The following CSPP1 variants were observed in gnomAD, a reference collection of about 807,000 sequenced individuals.
CSPP1 encodes the protein centrosome and spindle pole-associated protein 1.
Under a neutral mutation model 164.4 loss-of-function variants are expected in CSPP1, and 126 were observed. That is an observed-to-expected ratio of 0.77 (90% CI 0.66 to 0.89). CSPP1 has a LOEUF of 0.89. Among genes scored for constraint, CSPP1 ranks in the 40% least tolerant of loss-of-function variants. The pLI is 0.00. For missense variants in CSPP1, 1,395 were observed against 1,449.8 expected (o/e 0.96, Z 0.61); for synonymous variants, 472 against 476.7 (o/e 0.99, Z 0.13).
chr8:67,075,961 C>T (rs72654939), intron 2 of CSPP1, among the ~76,000 whole-genome samples: 7,739 of 152,186 alleles, frequency 0.051, 260 homozygotes, highest in Non-Finnish European at 0.073. Flanking sequence ...GCTTTAAAGA[C>T]AGTTTTGTTA....
intron 7 of CSPP1, among the ~76,000 whole-genome samples, chr8:67,102,332 C>G (rs1329113083): frequency 3.3e-5 from 5 of 152,146 alleles, no homozygotes; most frequent in Admixed American, 3.3e-4. Context: ...GTGGCTCATG[C>G]TTGTAATCCC....
chr8:67,125,304 A>G (rs1478099295), intron 15 of CSPP1, among the ~76,000 whole-genome samples: 3 of 152,088 alleles, frequency 2.0e-5, no homozygotes, highest in Non-Finnish European at 4.4e-5. Flanking sequence ...CCTAGCCTTT[A>G]TGGTTTCTGA....
At chr8:67,119,026 G>A (rs1453953352) in intron 15 of CSPP1, among the ~76,000 whole-genome samples, 1 of 151,888 alleles carries the variant, frequency 6.6e-6, no homozygotes, top group Non-Finnish European at 1.5e-5. Flanking sequence ...AATAATAATG[G>A]TGTACCTCCT....
intron 24 of CSPP1, among the ~76,000 whole-genome samples, chr8:67,166,344 A>G (rs777300039): frequency 3.3e-5 from 5 of 152,328 alleles, no homozygotes; most frequent in Non-Finnish European, 5.9e-5. Flanking sequence ...ATATAAACAT[A>G]TCTATAATTG....
chr8:67,160,464 C>CAA (rs1206237868), intron 21 of CSPP1, among the ~76,000 whole-genome samples: 3 of 77,754 alleles, frequency 3.9e-5, no homozygotes, highest in Admixed American at 1.5e-4. Flanking sequence ...GACTCCATCT[C>CAA]AAAAAAAAAA....
At chr8:67,169,284 A>G (rs1023589697) in intron 24 of CSPP1, among the ~76,000 whole-genome samples, 1 of 152,182 alleles carries the variant, frequency 6.6e-6, no homozygotes, top group Non-Finnish European at 1.5e-5. Flanking sequence ...AAGCCCTGGC[A>G]GAAAACACCC....
At chr8:67,157,282 T>C (rs1435496429) in intron 19 of CSPP1, among the ~76,000 whole-genome samples, 4 of 152,028 alleles carry the variant, frequency 2.6e-5, no homozygotes, top group African/African-American at 9.7e-5. Context: ...TCATAGGATG[T>C]GTTAGAAGAT....
At chr8:67,068,859 T>C (rs965451475) in intron 1 of CSPP1, among the ~76,000 whole-genome samples, 3 of 152,188 alleles carry the variant, frequency 2.0e-5, no homozygotes, top group African/African-American at 7.2e-5. Flanking sequence ...AGACAAAACG[T>C]AAATATTGTC....
chr8:67,084,015 G>A (rs1266762589), intron 3 of CSPP1: 2 of 152,076 alleles, frequency 1.3e-5, no homozygotes, highest in Non-Finnish European at 2.9e-5. Context: ...TTATAAAATT[G>A]AATAGCGCAT....
chr8:67,127,670 A>G (rs950015535), intron 15 of CSPP1, among the ~76,000 whole-genome samples: 4 of 152,198 alleles, frequency 2.6e-5, no homozygotes, highest in African/African-American at 9.7e-5. Context: ...TTATTCTGCC[A>G]TTCTAGAAGT....
chr8:67,151,117 C>G (rs1016231731), intron 18 of CSPP1, among the ~76,000 whole-genome samples: 2 of 152,128 alleles, frequency 1.3e-5, no homozygotes, highest in Non-Finnish European at 2.9e-5. Context: ...TTATCTGTAG[C>G]CTTTTTGAAC....
chr8:67,108,827 A>C (rs1261762166), intron 9 of CSPP1, among the ~76,000 whole-genome samples: 1 of 152,188 alleles, frequency 6.6e-6, no homozygotes, highest in Non-Finnish European at 1.5e-5. Context: ...CCCTTCCCCT[A>C]ACAGTAACAA....
chr8:67,173,439 G>C (rs1830870197), intron 25 of CSPP1: 1 of 152,232 alleles, frequency 6.6e-6, no homozygotes, highest in Non-Finnish European at 1.5e-5. Context: ...GCAGGTGTTG[G>C]AGCAGAAGGG....
chr8:67,172,057 C>T (rs1022446905), intron 24 of CSPP1, among the ~76,000 whole-genome samples: 5 of 151,604 alleles, frequency 3.3e-5, no homozygotes, highest in African/African-American at 1.2e-4. Context: ...CACGTTGGCC[C>T]AGTCTGGTCT....
Position 67,136,568 on chromosome 8 carries a change from CAAAAAAAAAA to C in CSPP1, c.1828-870_1828-861del, listed in dbSNP as rs35184133. ...TGGGTGACAGAGCGAGACTCCGTCTCAAAAAAAAAAAAAAAAAAAAAAAAAAATGCAATGT... is the reference window on the plus strand; with the variant it reads ...TGGGTGACAGAGCGAGACTCCGTCTCAAAAAAAAAAAAAAAAATGCAATGT... On this transcript the variant is annotated intron_variant, in intron 16 of 30. Coordinates refer to ENST00000678616, the MANE Select transcript of CSPP1 (RefSeq NM_001382391.1). 2.2e-4 allele frequency among the ~76,000 whole-genome samples: 6 copies of C among 27,686 alleles called. No individual in the cohort carries two copies. In the South Asian group the frequency reaches 3.8e-3, roughly 17 times the overall value. 18.2% of individuals were successfully genotyped at this position (27,686 alleles called of 152,430 possible).
In CSPP1 at chr8:67,163,790, G is replaced by A. The variant is rs375978348; in HGVS notation, c.2702G>A (p.Arg901His). 32 of 1,611,796 alleles carry A rather than the reference G, an allele frequency of 2.0e-5. No individual in the cohort carries two copies. Among genetic ancestry groups the A allele is most frequent in the African/African-American group, 6.7e-5 (5 of 74,828 alleles). The change falls in exon 23 of 31, where the codon CGT becomes CAT. Residue 901 changes from arginine (R) to histidine (H), a missense_variant. Transcript: ENST00000678616. ...GTACCTGCCAGGAAAAATCAGCTCC[G>A]TGCAGAAGGTAGAGTTAACTACTAA... ...PPVPARKNQLRAEEEKKNVIM... is the reference protein window; with the variant it reads ...PPVPARKNQLHAEEEKKNVIM...
chr8:67,159,901 TTTCTTTCTTTCTTTCTTTCTTTCCTTTCC>T lies in CSPP1; in HGVS notation c.2538+768_2538+796del, dbSNP rs1563711852. Among the ~76,000 whole-genome samples, 6 of 67,828 alleles carry T rather than the reference TTTCTTTCTTTCTTTCTTTCTTTCCTTTCC, an allele frequency of 8.8e-5. No homozygotes were observed. In the East Asian group the frequency reaches 1.1e-3, roughly 13 times the overall value. 44.5% of individuals were successfully genotyped at this position (67,828 alleles called of 152,430 possible). ...CTTTCTTTCTTTCTTTCTTTCTTTC[TTTCTTTCTTTCTTTCTTTCTTTCCTTTCC>T]TTCCTTCCTTCCTTCCTTCCTTCCT... is the stretch of plus-strand genomic sequence containing the variant. On this transcript the variant is annotated intron_variant, in intron 21 of 30. Transcript: ENST00000678616.
At chr8:67,104,565 T>C (rs1050265471) in intron 8 of CSPP1, among the ~76,000 whole-genome samples, 4 of 152,044 alleles carry the variant, frequency 2.6e-5, no homozygotes, top group Non-Finnish European at 5.9e-5. Flanking sequence ...GATGATCTTT[T>C]CTAAGTATGT....
At position 67,086,116 on chromosome 8, in the gene CSPP1, G is replaced by T. The variant is rs1810342645; in HGVS notation, c.303+6G>T. The T allele has an allele frequency of 8.4e-7, 1 of 1,194,722 alleles. No homozygotes were observed. The highest frequency in any genetic ancestry group is 1.5e-5 in the African/African-American group (1 of 66,792). 74.0% of individuals were successfully genotyped at this position (1,194,722 alleles called of 1,614,324 possible). On this transcript the variant is annotated splice_donor_region_variant and intron_variant, in intron 4 of 30. Transcript: ENST00000678616. ...ACAGACGTTATCTTACTCAGGTAAT[G>T]AGTTCTATTAATGAGTTGGGTTTAA...
Sources: gnomAD v4.1 joint callset for allele counts (sites outside exome capture counted in the v4.1 genomes callset) on GRCh38, gnomAD v4.1.1 for gene constraint, MANE v1.5 for transcripts, NCBI Gene and HGNC (gene_info 2026-07-23, HGNC 2026-07-21) for gene names.